ATXN2: variants seen among roughly 807,000 people sequenced by gnomAD.
ATXN2 encodes ataxin 2.
A neutral mutation model predicts 138.6 loss-of-function variants in ATXN2; 37 were observed. That is an observed-to-expected ratio of 0.27 (90% CI 0.21 to 0.35). ATXN2 has a LOEUF of 0.35. ATXN2 is among the 10% of genes least tolerant of loss of function. The pLI is 1.00. For synonymous variants in ATXN2, 549 were observed against 543.7 expected, an observed-to-expected ratio of 1.01 and a Z score of -0.13; for missense variants, 1,216 against 1,480.3, an observed-to-expected ratio of 0.82 and a Z score of 2.93.
intron 14 of ATXN2, among the ~76,000 whole-genome samples, chr12:111,491,260 C>A (rs1021357419): frequency 3.3e-5 from 5 of 152,014 alleles, no homozygotes; most frequent in East Asian, 1.9e-4. Context: ...CCAAAAAAAA[C>A]CAAAAGAATC....
rs978866427 is a variant in ATXN2, at chr12:111,465,934, G to C, written c.2843-1219C>G. The stretch of plus-strand genomic sequence containing the variant: ...TAATCCCAGCACTTTGGGAGGCTGA[G>C]GTGGGTGGATCACCTGAGGTCGGGA... On this transcript the variant is annotated intron_variant, in intron 20 of 24. Transcript: ENST00000673436. 1.8e-4 allele frequency among the ~76,000 whole-genome samples: 27 copies of C among 151,986 alleles called. 1 individual carries two copies. The South Asian group carries it at 5.6e-3, about 32-fold the overall frequency.
In ATXN2 at chr12:111,571,321, CA is replaced by C. The variant is rs1883300090; in HGVS notation, c.252-15403del. Among the ~76,000 whole-genome samples the C allele has an allele frequency of 2.0e-5, 3 of 152,264 alleles. No individual in the cohort carries two copies. In the South Asian group the frequency reaches 6.2e-4, roughly 32 times the overall value. On this transcript the variant is annotated intron_variant, in intron 1 of 24. Transcript: ENST00000673436. Reference sequence around the variant, plus strand: ...AAAAAGTAACTTTAGGCATTCTCCACAAAACAGTGTGAGGGAAAATGGTAAT... The same window carrying C: ...AAAAAGTAACTTTAGGCATTCTCCACAAACAGTGTGAGGGAAAATGGTAAT...
At chr12:111,530,888 G>A (rs1352853983) in intron 5 of ATXN2, among the ~76,000 whole-genome samples, 2 of 152,138 alleles carry the variant, frequency 1.3e-5, no homozygotes. Context: ...CACTTTGGGA[G>A]GCCGAGGCGG....
At chr12:111,520,790 T>A in intron 7 of ATXN2, 92 bp downstream of exon 7, 1 of 705,498 alleles carries the variant, frequency 1.4e-6, no homozygotes, top group Non-Finnish European at 2.2e-6. Context: ...ATTGTTTAAC[T>A]TAAAAACTAA....
rs1565998158 is a variant in ATXN2 at position 111,453,025 on chromosome 12, C to T, written c.3440-185G>A. The T allele has an allele frequency of 7.6e-7, 1 of 1,316,186 alleles. No homozygotes were observed. 81.5% of individuals were successfully genotyped at this position (1,316,186 alleles called of 1,614,324 possible). ...GGTTGGGTGGGTGGGTAGAAACAAA[C>T]CAGTCAGACGTAAAACCACTTCAGA... On this transcript the variant is annotated intron_variant, in intron 24 of 24. Coordinates refer to ENST00000673436, the MANE Select transcript of ATXN2 (RefSeq NM_001372574.1). This position sits in a 1 kb window ranked among gnomAD's most constrained non-coding sequence, Gnocchi z 5.4.
At chr12:111,553,102 CAATA>C (rs770275325) in intron 3 of ATXN2, 125 bp from the exon 4 acceptor site, 37 of 510,886 alleles carry the variant, frequency 7.2e-5, no homozygotes, top group East Asian at 5.9e-4. Flanking sequence ...ACTAACAAAA[CAATA>C]AAAAAATTTC....
chr12:111,578,339 T>C (rs917076790), intron 1 of ATXN2, among the ~76,000 whole-genome samples: 2 of 152,222 alleles, frequency 1.3e-5, no homozygotes, highest in African/African-American at 4.8e-5. Context: ...CTTCCTGTCC[T>C]GCAAGCTCCA....
At chr12:111,468,203 C>A (rs190753144) in intron 20 of ATXN2, among the ~76,000 whole-genome samples, 1 of 152,226 alleles carries the variant, frequency 6.6e-6, no homozygotes, top group African/African-American at 2.4e-5. Flanking sequence ...ATAAATCAAT[C>A]GTGCCTTTGC....
chr12:111,581,370 C>A, intron 1 of ATXN2: 1 of 647,598 alleles, frequency 1.5e-6, no homozygotes, highest in Non-Finnish European at 2.9e-6. Context: ...CTGGTCTTCC[C>A]TGGACACCAT....
chr12:111,592,087 A>C lies in ATXN2; in HGVS notation c.251+6697T>G, dbSNP rs545345097. Reference sequence around the variant, plus strand: ...AGAGCAAAACTGTCTCAAAAAAAAAAAAAACACCTTAGCTCATGAGGCTGG... The same window carrying C: ...AGAGCAAAACTGTCTCAAAAAAAAACAAAACACCTTAGCTCATGAGGCTGG... On this transcript the variant is annotated intron_variant, in intron 1 of 24. Coordinates refer to ENST00000673436, the MANE Select transcript of ATXN2 (RefSeq NM_001372574.1). 7.0e-4 allele frequency among the ~76,000 whole-genome samples: 101 copies of C among 145,234 alleles called. 1 individual carries two copies. Among genetic ancestry groups the C allele is most frequent in the Admixed American group, 6.3e-3 (91 of 14,500 alleles).
chr12:111,458,034 T>A (rs920303319), intron 21 of ATXN2: 2 of 152,216 alleles, frequency 1.3e-5, no homozygotes, highest in African/African-American at 4.8e-5. Context: ...AAGGACAACA[T>A]GATGGGCCAG....
Position 111,599,118 on chromosome 12 carries a change from G to A in ATXN2, c.-84C>T. 8.0e-7 allele frequency: 1 copy of A among 1,256,542 alleles called. No homozygotes were observed. Among genetic ancestry groups the A allele is most frequent in the Non-Finnish European group, 1.0e-6 (1 of 1,003,034 alleles). 77.8% of individuals were successfully genotyped at this position (1,256,542 alleles called of 1,614,324 possible). Reference sequence around the variant, plus strand: ...GCCAAGGAGACGCCGGAACGCGGCGGGGACGCGCGGGCGCCGAGCGGGGAG... The same window carrying A: ...GCCAAGGAGACGCCGGAACGCGGCGAGGACGCGCGGGCGCCGAGCGGGGAG... On this transcript the variant is annotated 5_prime_UTR_variant, in exon 1 of 25. Transcript: ENST00000673436.
intron 1 of ATXN2, among the ~76,000 whole-genome samples, chr12:111,576,637 C>T (rs1337824653): frequency 6.6e-6 from 1 of 151,764 alleles, no homozygotes; most frequent in Admixed American, 6.6e-5. Flanking sequence ...ATGAGCCACG[C>T]ACAAATGGCC....
intron 1 of ATXN2, among the ~76,000 whole-genome samples, chr12:111,580,301 C>T (rs1350556471): frequency 6.6e-6 from 1 of 151,730 alleles, no homozygotes; most frequent in Non-Finnish European, 1.5e-5. Context: ...GGCAACAGAG[C>T]AAGATCCTAT....
intron 1 of ATXN2, among the ~76,000 whole-genome samples, chr12:111,577,088 T>C (rs1464898587): frequency 6.6e-6 from 1 of 151,822 alleles, no homozygotes; most frequent in Non-Finnish European, 1.5e-5. Context: ...ATTACAGTCG[T>C]GAGCCACTGC....
chr12:111,473,738 A>G (rs1158592521), intron 18 of ATXN2, among the ~76,000 whole-genome samples: 1 of 151,234 alleles, frequency 6.6e-6, no homozygotes, highest in Non-Finnish European at 1.5e-5. Context: ...CCTCACTGAA[A>G]GTACACACAT....
At chr12:111,597,117 TAAG>T (rs1204745795) in intron 1 of ATXN2, among the ~76,000 whole-genome samples, 1 of 137,102 alleles carries the variant, frequency 7.3e-6, no homozygotes, top group African/African-American at 2.8e-5. Flanking sequence ...CTAGTTTGGC[TAAG>T]TAGTGTTTGG....
intron 18 of ATXN2, 58 bp downstream of exon 18, chr12:111,485,207 G>A: frequency 1.4e-6 from 2 of 1,478,752 alleles, no homozygotes; most frequent in Non-Finnish European, 1.9e-6. Flanking sequence ...TATAAACTTA[G>A]TTACTCAATT....
chr12:111,597,465 A>C (rs1884994200), intron 1 of ATXN2, among the ~76,000 whole-genome samples: 1 of 152,224 alleles, frequency 6.6e-6, no homozygotes, highest in African/African-American at 2.4e-5. Context: ...CTTGAGGCAC[A>C]AGGGAAATGG....
Sources: allele counts gnomAD v4.1 joint callset (sites outside exome capture counted in the v4.1 genomes callset), GRCh38; gene constraint gnomAD v4.1.1; non-coding constraint Gnocchi (gnomAD v3.1); transcripts MANE v1.5; gene names NCBI Gene and HGNC (gene_info 2026-07-23, HGNC 2026-07-21).